BCL6: variants seen among roughly 807,000 people sequenced by gnomAD.
BCL6 encodes the protein BCL6 transcription repressor.
BCL6 carries 7 observed loss-of-function variants against 59.5 expected under a neutral mutation model. The ratio of observed to expected loss-of-function variants is 0.12; its 90% CI spans 0.07 to 0.22. The LOEUF is 0.22. Among genes scored for constraint, BCL6 ranks in the 10% least tolerant of loss-of-function variants. The pLI, the probability that BCL6 is intolerant of heterozygous loss-of-function variation, is 1.00. For missense variants in BCL6, 685 were observed against 939.4 expected (o/e 0.73, Z 3.54); for synonymous variants, 339 against 349.7 (o/e 0.97, Z 0.34).
chr3:187,745,329 G>GGCGGCGGCAGCGGCACCAGCGGCAACA, intron 1 of BCL6, 81 bp downstream of exon 1: 1 of 401,024 alleles, frequency 2.5e-6, no homozygotes, highest in Non-Finnish European at 4.4e-6. Context: ...CATGAGCAGC[G>GGCGGCGGCAGCGGCACCAGCGGCAACA]GCGGCGGCAG....
At chr3:187,744,534 A>C (rs1711789374) in intron 1 of BCL6, among the ~76,000 whole-genome samples, 1 of 152,184 alleles carries the variant, frequency 6.6e-6, no homozygotes, top group Admixed American at 6.5e-5. Context: ...CTCTGAAAGG[A>C]AATAGTAGAC....
chr3:187,728,416 G>C lies in BCL6; in HGVS notation c.1484C>G (p.Pro495Arg). 1.2e-6 allele frequency: 2 copies of C among 1,611,562 alleles called. No individual in the cohort carries two copies. Among genetic ancestry groups the C allele is most frequent in the Non-Finnish European group, 1.7e-6 (2 of 1,179,064 alleles). The part of the protein sequence containing the change: ...HAEMCLHTAG[P>R]TFPEEMGETQ... ...CTCTCCCATCTCCTCAGGGAACGTG[G>C]GGCCAGCGGTGTGGAGGCACATCTC... The change falls in exon 6 of 10, where the codon CCC becomes CGC. Residue 495 changes from proline to arginine, a missense_variant. Pro to Arg is a moderately radical substitution (Grantham distance 103). Around this residue, in one of 7 missense-constraint regions of BCL6, gnomAD observed 207 missense variants for 213.7 expected, o/e 0.97. Coordinates refer to ENST00000406870, the MANE Select transcript of BCL6 (RefSeq NM_001706.5).
intron 1 of BCL6, among the ~76,000 whole-genome samples, chr3:187,744,979 C>T (rs923972193): frequency 1.3e-5 from 2 of 152,060 alleles, no homozygotes; most frequent in African/African-American, 2.4e-5. Context: ...GAATCACCCC[C>T]CAAGCACTGT....
At chr3:187,739,844 T>C (rs909967293) in intron 1 of BCL6, among the ~76,000 whole-genome samples, 7 of 152,124 alleles carry the variant, frequency 4.6e-5, no homozygotes, top group Admixed American at 4.6e-4. Context: ...ACAATGCCTT[T>C]AAAAATCCGA....
At chr3:187,737,422 G>T (rs925220984) in intron 1 of BCL6, 1 of 146,894 alleles carries the variant, frequency 6.8e-6, no homozygotes, top group Admixed American at 6.8e-5. Flanking sequence ...GAGAGGCGAG[G>T]TTAAGAGCCA....
intron 2 of BCL6, chr3:187,733,966 T>C: frequency 2.1e-6 from 1 of 470,846 alleles, no homozygotes; most frequent in Non-Finnish European, 3.9e-6. Flanking sequence ...TGAGTGTTTT[T>C]CCCACATACC....
chr3:187,732,284 TA>T (rs1208993431), intron 3 of BCL6: 1 of 380,194 alleles, frequency 2.6e-6, no homozygotes, highest in East Asian at 6.7e-5. Context: ...CCCTTTGCAG[TA>T]ACTATTCTTA....
intron 1 of BCL6, among the ~76,000 whole-genome samples, chr3:187,741,598 A>G (rs2108480020): frequency 6.6e-6 from 1 of 152,256 alleles, no homozygotes; most frequent in African/African-American, 2.4e-5. Context: ...TGGGGCAAAG[A>G]GAAACCAGCC....
At chr3:187,727,639 G>A (rs866413523) in intron 6 of BCL6, among the ~76,000 whole-genome samples, 7 of 152,188 alleles carry the variant, frequency 4.6e-5, no homozygotes, top group African/African-American at 1.7e-4. Context: ...GACAGTCCCC[G>A]CTCTCCCATC....
intron 1 of BCL6, among the ~76,000 whole-genome samples, 164 bp downstream of exon 1, chr3:187,745,246 A>T (rs534436520): frequency 2.0e-5 from 3 of 152,300 alleles, no homozygotes; most frequent in East Asian, 1.9e-4. Flanking sequence ...ATCAATAGAT[A>T]CACATAGAAA....
intron 1 of BCL6, among the ~76,000 whole-genome samples, chr3:187,742,853 C>T (rs192908815): frequency 6.6e-6 from 1 of 152,258 alleles, no homozygotes; most frequent in East Asian, 1.9e-4. Flanking sequence ...TTTCATCTCT[C>T]TTCTTTGAGC....
At position 187,729,666 on chromosome 3, in the gene BCL6, A is replaced by T. The variant is rs1198106559; in HGVS notation, c.739T>A (p.Leu247Met). The change falls in exon 5 of 10, where the codon TTG becomes ATG. Residue 247 changes from leucine to methionine, a missense_variant. This residue lies in a region of BCL6 where 268 missense variants were observed against 263.8 expected (regional missense o/e 1.02). Transcript: ENST00000406870. This position sits in a 1 kb window ranked among gnomAD's most constrained non-coding sequence, Gnocchi z 5.6. ...TGGCACACATTGGGGGACACCTCCA[A>T]AGTCGGCCGGCTGTACTCACCAGGG... ...PVPGEYSRPTLEVSPNVCHSN... is the reference protein window; with the variant it reads ...PVPGEYSRPTMEVSPNVCHSN... The T allele has an allele frequency of 6.2e-7, 1 of 1,614,088 alleles. No homozygotes were observed.
rs1718899534 is a variant in BCL6 at position 187,729,310 on chromosome 3, C to T, written c.1095G>A (p.Lys365=). The change falls in exon 5 of 10, where the codon AAG becomes AAA. Residue 365 remains lysine (K), a synonymous_variant. Coordinates refer to ENST00000406870, the MANE Select transcript of BCL6 (RefSeq NM_001706.5). The surrounding 1 kb of genome is among the most constrained non-coding windows in gnomAD (Gnocchi z 5.6). Reference sequence around the variant, plus strand: ...TGCAGGCTTTGGGGTCAGTGGGGCTCTTGGCTGGAGGGGAGCCAGAAGCCT... The same window carrying T: ...TGCAGGCTTTGGGGTCAGTGGGGCTTTTGGCTGGAGGGGAGCCAGAAGCCT... ...ILQASGSPPA[K]SPTDPKACNW... is the part of the protein sequence containing the mutation. The T allele has an allele frequency of 6.2e-7, 1 of 1,614,108 alleles. No individual in the cohort carries two copies. Among genetic ancestry groups the T allele is most frequent in the Non-Finnish European group, 8.5e-7 (1 of 1,180,024 alleles).
chr3:187,724,378 C>T (rs546776068), intron 9 of BCL6, among the ~76,000 whole-genome samples: 1 of 152,224 alleles, frequency 6.6e-6, no homozygotes, highest in South Asian at 2.1e-4. Flanking sequence ...CGCCCTAGAA[C>T]ATTCCAATCC....
chr3:187,733,745 T>A (rs757238054), intron 2 of BCL6, 42 bp from the exon 3 acceptor site: 1 of 1,602,848 alleles, frequency 6.2e-7, no homozygotes, highest in South Asian at 1.1e-5. Context: ...CTCCAGAACC[T>A]GTTTCCTGCT....
chr3:187,730,826 T>C lies in BCL6; in HGVS notation c.384-805A>G, dbSNP rs1719003135. On this transcript the variant is annotated intron_variant, in intron 4 of 9. Transcript: ENST00000406870. ...AAATAAATAGGCAAGCTCACCATGA[T>C]CACAGTTAACGGAGCTAGAACCCAT... 1.3e-5 allele frequency among the ~76,000 whole-genome samples: 2 copies of C among 152,220 alleles called. 1 individual carries two copies. The highest frequency in any genetic ancestry group is 4.1e-4 in the South Asian group (2 of 4,838).
At chr3:187,732,531 A>G (rs923833688) in intron 3 of BCL6, 1 of 175,056 alleles carries the variant, frequency 5.7e-6, no homozygotes, top group Non-Finnish European at 1.3e-5. Flanking sequence ...TGGTGGAAAG[A>G]GTACTCAATT....
chr3:187,738,725 G>A (rs1361450764), intron 1 of BCL6, among the ~76,000 whole-genome samples: 1 of 152,200 alleles, frequency 6.6e-6, no homozygotes, highest in African/African-American at 2.4e-5. Flanking sequence ...ACTAGCCAGT[G>A]GCGTCACACT....
At chr3:187,745,310 A>G (rs535902508) in intron 1 of BCL6, 100 bp downstream of exon 1, 5 of 399,970 alleles carry the variant, frequency 1.3e-5, no homozygotes, top group East Asian at 1.1e-4. Flanking sequence ...TAAAAGGTAA[A>G]ATAATGATCA....
Sources: gnomAD v4.1 joint callset for allele counts (sites outside exome capture counted in the v4.1 genomes callset) on GRCh38, gnomAD v4.1.1 for gene constraint, gnomAD v4.1.1 regional missense constraint, Gnocchi (gnomAD v3.1) non-coding constraint, MANE v1.5 for transcripts, NCBI Gene and HGNC (gene_info 2026-07-23, HGNC 2026-07-21) for gene names.